Variants in KIZ observed in about 807,000 individuals in gnomAD.
KIZ encodes kizuna centrosomal protein, also known as centrosomal protein kizuna.
KIZ carries 68 observed loss-of-function variants against 79.6 expected under a neutral mutation model. The ratio of observed to expected loss-of-function variants is 0.85; its 90% CI spans 0.70 to 1.05. The LOEUF is 1.05. KIZ is among the 50% of genes least tolerant of loss of function. KIZ has a pLI of 0.00. For missense variants in KIZ, 797 were observed against 800.4 expected (o/e 1.00, Z 0.05); for synonymous variants, 280 against 281.8 (o/e 0.99, Z 0.06).
chr20:21,186,410 C>T lies in KIZ; in HGVS notation c.1353-19081C>T, dbSNP rs187394268. Among the ~76,000 whole-genome samples, 599 of 151,634 alleles carry T rather than the reference C, an allele frequency of 4.0e-3. 2 individuals are homozygous for T. The highest frequency in any genetic ancestry group is 9.7e-3 in the African/African-American group (399 of 41,282). On this transcript the variant is annotated intron_variant, in intron 6 of 12. Transcript: ENST00000619189. ...TGTAATCATGAGTACACTTGGAATC[C>T]GTTTCTTCCGTTTCGAAAAGTCCAC...
chr20:21,200,211 G>A (rs2035533294), intron 6 of KIZ, among the ~76,000 whole-genome samples: 1 of 152,086 alleles, frequency 6.6e-6, no homozygotes, highest in African/African-American at 2.4e-5. Context: ...GCTCACATCT[G>A]TCTCTTTAAT....
At chr20:21,182,515 G>A (rs76903940) in intron 6 of KIZ, among the ~76,000 whole-genome samples, 2,211 of 152,204 alleles carry the variant, frequency 0.015, 48 homozygotes, top group African/African-American at 0.05. Context: ...AAATAGTAAG[G>A]CCAGGCGCAG....
chr20:21,244,296 A>G lies in KIZ; in HGVS notation c.1924+8A>G. 6.3e-7 allele frequency: 1 copy of G among 1,581,030 alleles called. No individual in the cohort carries two copies. The highest frequency in any genetic ancestry group is 8.7e-7 in the Non-Finnish European group (1 of 1,151,742). Reference sequence around the variant, plus strand: ...TCAATTTAAAATCTAATGGTGAGAGAGATAATCGGACACTAGATTTTCTTT... The same window carrying G: ...TCAATTTAAAATCTAATGGTGAGAGGGATAATCGGACACTAGATTTTCTTT... On this transcript the variant is annotated splice_region_variant and intron_variant, in intron 12 of 12. Coordinates refer to ENST00000619189, the MANE Select transcript of KIZ (RefSeq NM_018474.6).
chr20:21,159,951 C>T (rs1039752375), intron 4 of KIZ, among the ~76,000 whole-genome samples: 2 of 152,192 alleles, frequency 1.3e-5, no homozygotes, highest in African/African-American at 4.8e-5. Flanking sequence ...AAAGTGGGTG[C>T]ACCGTTTTAT....
intron 4 of KIZ, chr20:21,150,812 C>T (rs2033081470): frequency 1.3e-5 from 2 of 152,286 alleles, no homozygotes; most frequent in Admixed American, 6.5e-5. Context: ...CCCCACAGCA[C>T]CCTGCACCTG....
At chr20:21,162,529 G>A (rs772123571) in intron 5 of KIZ, 22 bp downstream of exon 5, 1 of 1,585,706 alleles carries the variant, frequency 6.3e-7, no homozygotes, top group Non-Finnish European at 8.6e-7. Context: ...GGCTGAGTTT[G>A]GTTGCTGATT....
At chr20:21,244,503 G>T (rs553749421) in intron 12 of KIZ, 1 of 558,996 alleles carries the variant, frequency 1.8e-6, no homozygotes, top group Non-Finnish European at 3.2e-6. Flanking sequence ...CACAGGGGCA[G>T]AGCATTGTAA....
At chr20:21,239,574 T>C (rs17664036) in intron 11 of KIZ, among the ~76,000 whole-genome samples, 5,184 of 152,326 alleles carry the variant, frequency 0.034, 130 homozygotes, top group Non-Finnish European at 0.058. Flanking sequence ...CATTTTTGTC[T>C]TTACTTGTTG....
intron 6 of KIZ, among the ~76,000 whole-genome samples, chr20:21,191,947 G>A (rs1384362862): frequency 2.0e-5 from 3 of 152,088 alleles, no homozygotes; most frequent in Non-Finnish European, 2.9e-5. Context: ...TATCGAGAAT[G>A]TTTTAGTTTC....
chr20:21,236,922 C>A (rs189030764), intron 11 of KIZ, among the ~76,000 whole-genome samples: 82 of 150,104 alleles, frequency 5.5e-4, no homozygotes, highest in African/African-American at 1.8e-3. Context: ...ATCGCATAAA[C>A]CTGGGAGGCA....
At chr20:21,169,835 T>C (rs1171559966) in intron 6 of KIZ, among the ~76,000 whole-genome samples, 5 of 152,208 alleles carry the variant, frequency 3.3e-5, no homozygotes. Flanking sequence ...AGTAGTATTA[T>C]CAGGTTGGCT....
chr20:21,185,062 T>TTGTGTGTGTGTGTGTGTGTGTG (rs144332345), intron 6 of KIZ, among the ~76,000 whole-genome samples: 54 of 151,518 alleles, frequency 3.6e-4, no homozygotes, highest in African/African-American at 1.2e-3. Flanking sequence ...AAAAAAATAA[T>TTGTGTGTGTGTGTGTGTGTGTG]TGTGTGTGTG....
intron 2 of KIZ, chr20:21,133,267 C>T (rs1600346997): frequency 1.3e-5 from 2 of 152,222 alleles, no homozygotes; most frequent in Non-Finnish European, 1.5e-5. Flanking sequence ...TCCAAAGCTT[C>T]CAGTTGAGGT....
chr20:21,137,811 A>T (rs1435582330), intron 3 of KIZ, among the ~76,000 whole-genome samples: 1 of 152,116 alleles, frequency 6.6e-6, no homozygotes. Context: ...GGGCCTTACC[A>T]TGTCATCCAG....
chr20:21,163,286 G>A (rs1306068058), intron 6 of KIZ, 127 bp downstream of exon 6: 1 of 656,310 alleles, frequency 1.5e-6, no homozygotes, highest in Non-Finnish European at 2.6e-6. Flanking sequence ...AGTCTCATAA[G>A]TAATCTTGTA....
chr20:21,191,715 CA>C (rs200704948), intron 6 of KIZ, among the ~76,000 whole-genome samples: 1,642 of 152,104 alleles, frequency 0.011, 15 homozygotes, highest in Non-Finnish European at 0.016. Flanking sequence ...TAAAAGAGAA[CA>C]GGGGGGGAAG....
chr20:21,190,949 A>G (rs551979662), intron 6 of KIZ, among the ~76,000 whole-genome samples: 8 of 152,316 alleles, frequency 5.3e-5, no homozygotes, highest in Non-Finnish European at 7.4e-5. Context: ...GCCTGAGTGA[A>G]TTCTAATTGT....
At chr20:21,163,347 C>T (rs926271713) in intron 6 of KIZ, among the ~76,000 whole-genome samples, 188 bp downstream of exon 6, 1 of 152,090 alleles carries the variant, frequency 6.6e-6, no homozygotes, top group African/African-American at 2.4e-5. Context: ...TTTCCTTCCT[C>T]CCTTCCTTCT....
chr20:21,215,724 G>C, intron 9 of KIZ, 76 bp downstream of exon 9: 1 of 962,264 alleles, frequency 1.0e-6, no homozygotes, highest in Non-Finnish European at 1.6e-6. Context: ...TTGGGTCAGT[G>C]GTTTGTGGAC....
Sources: allele counts gnomAD v4.1 joint callset (sites outside exome capture counted in the v4.1 genomes callset), GRCh38; gene constraint gnomAD v4.1.1; transcripts MANE v1.5; gene names NCBI Gene and HGNC (gene_info 2026-07-23, HGNC 2026-07-21).